NTM: variants seen among roughly 807,000 people sequenced by gnomAD.
NTM encodes neurotrimin, also known as IgLON family member 2.
A neutral mutation model predicts 42.1 loss-of-function variants in NTM; 13 were observed. The observed-to-expected ratio is 0.31, with a 90% CI of 0.20 to 0.49. The LOEUF (loss-of-function observed/expected upper bound fraction) is 0.49. Ranked by LOEUF, NTM falls within the 20% of genes least tolerant of loss-of-function variation. NTM has a pLI of 0.99. For missense variants in NTM, 373 were observed against 452.8 expected (o/e 0.82, Z 1.60); for synonymous variants, 187 against 179.2 (o/e 1.04, Z -0.35).
chr11:131,562,765 T>C (rs1011173897), intron 1 of NTM, among the ~76,000 whole-genome samples: 1 of 152,226 alleles, frequency 6.6e-6, no homozygotes, highest in African/African-American at 2.4e-5. Context: ...TGGAACATTT[T>C]GTAATTATGT....
chr11:132,318,144 A>C (rs2095478020), intron 7 of NTM, among the ~76,000 whole-genome samples: 1 of 152,274 alleles, frequency 6.6e-6, no homozygotes, highest in South Asian at 2.1e-4. Context: ...AAGGAGGAGG[A>C]TAGGCATGGC....
intron 2 of NTM, among the ~76,000 whole-genome samples, chr11:132,138,511 G>A (rs963978480): frequency 5.9e-5 from 9 of 152,172 alleles, no homozygotes; most frequent in African/African-American, 1.4e-4. Flanking sequence ...TGTCATGTTC[G>A]AAGCAGTGTG....
chr11:131,706,090 C>A (rs2076563757), intron 1 of NTM, among the ~76,000 whole-genome samples: 1 of 151,902 alleles, frequency 6.6e-6, no homozygotes, highest in Non-Finnish European at 1.5e-5. Flanking sequence ...CTTTAAGAGA[C>A]TCATATTAGC....
chr11:131,482,666 A>G (rs1953731655), intron 1 of NTM, among the ~76,000 whole-genome samples: 1 of 152,006 alleles, frequency 6.6e-6, no homozygotes, highest in African/African-American at 2.4e-5. Context: ...CTTTCCCTAT[A>G]CCTCCAAAAG....
chr11:132,100,474 A>G (rs879476498), intron 2 of NTM, among the ~76,000 whole-genome samples: 1 of 152,108 alleles, frequency 6.6e-6, no homozygotes, highest in Admixed American at 6.6e-5. Context: ...TTTGAGTTTC[A>G]CCCACTAGCA....
chr11:131,617,325 G>C (rs191635673), intron 1 of NTM, among the ~76,000 whole-genome samples: 91 of 152,284 alleles, frequency 6.0e-4, no homozygotes, highest in Non-Finnish European at 1.1e-3. Context: ...AAGAAAACGT[G>C]TGCTTCGTAC....
At chr11:131,908,724 C>T (rs530843950) in intron 1 of NTM, among the ~76,000 whole-genome samples, 5 of 152,326 alleles carry the variant, frequency 3.3e-5, no homozygotes, top group Admixed American at 3.3e-4. Context: ...TATCTCACAG[C>T]TTTAGTATAT....
chr11:131,538,941 T>TTTTTTA (rs1555144439), intron 1 of NTM, among the ~76,000 whole-genome samples: 2 of 141,374 alleles, frequency 1.4e-5, no homozygotes, highest in East Asian at 2.1e-4. Context: ...TTTTTTTTTT[T>TTTTTTA]AATTTTTTTG....
intron 2 of NTM, among the ~76,000 whole-genome samples, chr11:132,138,203 A>G (rs1044505741): frequency 1.3e-5 from 2 of 152,158 alleles, no homozygotes; most frequent in African/African-American, 2.4e-5. Context: ...AATTGTATCT[A>G]CTTCCTGCCT....
At chr11:131,521,383 CTTTTTTTTTTTTTTTTTTTTTTTTTT>C (rs773233050) in intron 1 of NTM, among the ~76,000 whole-genome samples, 1 of 45,720 alleles carries the variant, frequency 2.2e-5, no homozygotes, top group Admixed American at 3.8e-4. Context: ...AGGTGCCAGT[CTTTTTTTTTTTTTTTTTTTTTTTTTT>C]TTTTTTTTTT....
chr11:132,291,689 A>G (rs188035813), intron 4 of NTM, among the ~76,000 whole-genome samples: 2 of 152,360 alleles, frequency 1.3e-5, no homozygotes, highest in African/African-American at 4.8e-5. Flanking sequence ...TTGAAGGACT[A>G]TCCAGAGAGG....
At chr11:132,269,164 CGAGGACATACAATA>C (rs971403866) in intron 4 of NTM, among the ~76,000 whole-genome samples, 3 of 151,988 alleles carry the variant, frequency 2.0e-5, no homozygotes, top group African/African-American at 7.3e-5. Context: ...GCAGGGAAGC[CGAGGACATACAATA>C]GAACAAGAAA....
intron 4 of NTM, among the ~76,000 whole-genome samples, chr11:132,244,115 C>T (rs1591495182): frequency 1.3e-5 from 2 of 152,202 alleles, no homozygotes. Context: ...CCATCCTGAG[C>T]TCGGGGCTTC....
chr11:132,055,851 A>G (rs2079574268), intron 2 of NTM, among the ~76,000 whole-genome samples: 1 of 152,170 alleles, frequency 6.6e-6, no homozygotes, highest in Non-Finnish European at 1.5e-5. Context: ...TTCTCTTATA[A>G]TCTGTCCTTG....
At chr11:131,806,071 A>G (rs889168318) in intron 1 of NTM, among the ~76,000 whole-genome samples, 66 of 152,246 alleles carry the variant, frequency 4.3e-4, no homozygotes, top group African/African-American at 1.5e-3. Flanking sequence ...TCTCTGTTGT[A>G]TCTTTATATA....
intron 1 of NTM, chr11:131,909,862 T>A (rs1355102853): frequency 6.6e-6 from 1 of 151,822 alleles, no homozygotes; most frequent in Non-Finnish European, 1.5e-5. Context: ...TGTGCGAGAG[T>A]GTGAGGCCCA....
intron 1 of NTM, among the ~76,000 whole-genome samples, chr11:131,801,570 C>T (rs1378720414): frequency 3.9e-5 from 6 of 152,314 alleles, no homozygotes; most frequent in African/African-American, 1.2e-4. Context: ...CATTCACTTC[C>T]TCTTTCAAGC....
intron 1 of NTM, among the ~76,000 whole-genome samples, chr11:131,527,529 C>A (rs1470324356): frequency 2.0e-5 from 3 of 152,200 alleles, no homozygotes; most frequent in African/African-American, 7.2e-5. Flanking sequence ...TGGATATAGG[C>A]CATTGAACTC....
chr11:132,304,930 C>T (rs2140155354), intron 4 of NTM, among the ~76,000 whole-genome samples: 1 of 152,250 alleles, frequency 6.6e-6, no homozygotes, highest in East Asian at 1.9e-4. Context: ...TCTCCTTTCT[C>T]TGGAATTAGA....
Sources: gnomAD v4.1 joint callset for allele counts (sites outside exome capture counted in the v4.1 genomes callset) on GRCh38, gnomAD v4.1.1 for gene constraint, MANE v1.5 for transcripts, NCBI Gene and HGNC (gene_info 2026-07-23, HGNC 2026-07-21) for gene names.